Variants in MTFR1 observed in about 807,000 individuals in gnomAD.
The protein encoded by MTFR1 is mitochondrial fission regulator 1.
In MTFR1, 28 loss-of-function variants were observed where a neutral mutation model predicts 38.8. That is an observed-to-expected ratio of 0.72 (90% CI 0.53 to 0.99). The LOEUF (loss-of-function observed/expected upper bound fraction) is 0.99. MTFR1 is among the 50% of genes least tolerant of loss of function. MTFR1 has a pLI of 0.00. For synonymous variants in MTFR1, 145 were observed against 137.0 expected (o/e 1.06, Z -0.41); for missense variants, 358 against 395.5 (o/e 0.91, Z 0.81).
chr8:65,664,345 A>G (rs990625275), intron 1 of MTFR1, among the ~76,000 whole-genome samples: 6 of 152,220 alleles, frequency 3.9e-5, no homozygotes. Context: ...AAAGAACTGT[A>G]ATTTGTAAAC....
At chr8:65,703,032 G>A (rs534327782) in intron 4 of MTFR1, among the ~76,000 whole-genome samples, 4 of 151,582 alleles carry the variant, frequency 2.6e-5, no homozygotes, top group African/African-American at 9.7e-5. Flanking sequence ...AGCAGAAATT[G>A]GTATCCAGAA....
Position 65,709,218 on chromosome 8 carries a change from G to T in MTFR1, c.*174G>T, listed in dbSNP as rs1805873771. 3 of 607,302 alleles carry T rather than the reference G, an allele frequency of 4.9e-6. No individual in the cohort carries two copies. Among genetic ancestry groups the T allele is most frequent in the South Asian group, 2.1e-5 (1 of 48,598 alleles). 37.6% of individuals were successfully genotyped at this position (607,302 alleles called of 1,614,324 possible). A position where few individuals can be genotyped will look rare whatever the true frequency, so the allele number is the denominator to read the frequency against. On this transcript the variant is annotated 3_prime_UTR_variant, in exon 8 of 8. Transcript: ENST00000262146. ...AAGCACTAAGTTTGGTTTTGCTTTT[G>T]TGAGATGGTCAGCTTTGGTGCTCTC...
intron 3 of MTFR1, among the ~76,000 whole-genome samples, chr8:65,740,474 C>G (rs543814912): frequency 6.6e-6 from 1 of 152,196 alleles, no homozygotes; most frequent in South Asian, 2.1e-4. Flanking sequence ...GATCTTGGCT[C>G]ACTGCAACCT....
At chr8:65,685,743 T>A (rs1462260535) in intron 3 of MTFR1, among the ~76,000 whole-genome samples, 2 of 152,216 alleles carry the variant, frequency 1.3e-5, no homozygotes, top group Non-Finnish European at 2.9e-5. Context: ...GAGAGATATT[T>A]AAAAAGTCAA....
rs773434384 is a variant in MTFR1 at position 65,694,072 on chromosome 8, CTT to C, written c.281+333_281+334del. Among the ~76,000 whole-genome samples, 262 of 109,630 alleles carry C rather than the reference CTT, an allele frequency of 2.4e-3. 1 individual carries two copies. The highest frequency in any genetic ancestry group is 2.3e-3 in the Non-Finnish European group (124 of 53,344). The allele number at this position is 109,630 out of a possible 152,430, so 71.9% of individuals were successfully genotyped here. ...CATGCACCACCAACCCTGGCTAATT[CTT>C]TTTTTTTTTTTTTTTTTTTAGATAG... On this transcript the variant is annotated intron_variant, in intron 4 of 7. Coordinates refer to ENST00000262146, the MANE Select transcript of MTFR1 (RefSeq NM_014637.4).
intron 3 of MTFR1, among the ~76,000 whole-genome samples, chr8:65,760,697 C>T (rs1249014909): frequency 2.0e-5 from 3 of 152,218 alleles, no homozygotes; most frequent in African/African-American, 7.2e-5. Context: ...CACACCCCCA[C>T]TCCCCTCATC....
chr8:65,711,567 T>G (rs953917574), downstream of MTFR1, among the ~76,000 whole-genome samples: 13 of 152,208 alleles, frequency 8.5e-5, no homozygotes, highest in African/African-American at 3.1e-4. Flanking sequence ...CTCTTTCCCT[T>G]TCTCATCCTA....
chr8:65,714,300 T>C (rs1452498892), downstream of MTFR1: 1 of 151,576 alleles, frequency 6.6e-6, no homozygotes, highest in Non-Finnish European at 1.5e-5. Flanking sequence ...TAGTAATAAA[T>C]CGATAGCTAA....
chr8:65,659,368 C>T (rs1809349542), intron 1 of MTFR1, among the ~76,000 whole-genome samples: 1 of 151,394 alleles, frequency 6.6e-6, no homozygotes, highest in Non-Finnish European at 1.5e-5. Flanking sequence ...AGAAGGGTGC[C>T]ACTTGCATCA....
intron 3 of MTFR1, chr8:65,727,163 C>T: frequency 4.1e-6 from 6 of 1,474,284 alleles, no homozygotes; most frequent in African/African-American, 1.4e-5. Flanking sequence ...GATAAAATTG[C>T]ACTAACCTTG....
intron 3 of MTFR1, among the ~76,000 whole-genome samples, chr8:65,688,188 G>A (rs1351131130): frequency 6.7e-6 from 1 of 149,280 alleles, no homozygotes; most frequent in Admixed American, 6.7e-5. Flanking sequence ...ATTACTTGAA[G>A]TCAGGAGTTT....
At chr8:65,751,482 T>C (rs1173763816) in intron 3 of MTFR1, among the ~76,000 whole-genome samples, 3 of 152,138 alleles carry the variant, frequency 2.0e-5, no homozygotes, top group Non-Finnish European at 4.4e-5. Context: ...GAGGTTTTTT[T>C]TTTTCTTTTC....
In MTFR1 at chr8:65,704,702, T is replaced by G. The variant is rs756710814; in HGVS notation, c.290T>G (p.Val97Gly). 17 of 1,613,728 alleles carry G rather than the reference T, an allele frequency of 1.1e-5. No individual in the cohort carries two copies. Among genetic ancestry groups the G allele is most frequent in the Non-Finnish European group, 1.0e-5 (12 of 1,179,886 alleles). Reference sequence around the variant, plus strand: ...TTATGTCTTCCTTGCAGGACAGAGGTCAGATCAAGGCCACCCCTTCAGGAT... The same window carrying G: ...TTATGTCTTCCTTGCAGGACAGAGGGCAGATCAAGGCCACCCCTTCAGGAT... ...GECSARLRTE[V>G]RSRPPLQDDL... The change falls in exon 5 of 8, where the codon GTC becomes GGC. Residue 97 changes from valine (V) to glycine (G), a missense_variant. Coordinates refer to ENST00000262146, the MANE Select transcript of MTFR1 (RefSeq NM_014637.4).
At chr8:65,660,605 G>T (rs987161807) in intron 1 of MTFR1, among the ~76,000 whole-genome samples, 1 of 152,088 alleles carries the variant, frequency 6.6e-6, no homozygotes, top group Non-Finnish European at 1.5e-5. Context: ...TAGCTCTGTC[G>T]GCCTCCAGCT....
At position 65,727,351 on chromosome 8, in the gene MTFR1, T is replaced by A. The variant is rs1310866171; in HGVS notation, c.*48+7870T>A. 3 of 1,604,702 alleles carry A rather than the reference T, an allele frequency of 1.9e-6. No individual in the cohort carries two copies. In the Admixed American group the frequency reaches 5.1e-5, roughly 27 times the overall value. On this transcript the variant is annotated intron_variant, in intron 3 of 3. Coordinates refer to the MTFR1 transcript ENST00000521247. ...AATCACAGATATATCTAAAATAAGC[T>A]CTACGCCATCACAGTAGTTTTGAAT...
At chr8:65,769,297 T>TA (rs1808960798) in intron 3 of MTFR1, among the ~76,000 whole-genome samples, 1 of 149,142 alleles carries the variant, frequency 6.7e-6, no homozygotes, top group African/African-American at 2.5e-5. Context: ...ATATTTTTTT[T>TA]AAAAAATTGT....
intron 1 of MTFR1, among the ~76,000 whole-genome samples, chr8:65,661,313 TC>T (rs1809407680): frequency 6.6e-6 from 1 of 152,204 alleles, no homozygotes; most frequent in African/African-American, 2.4e-5. Flanking sequence ...AATTAAGAAA[TC>T]TGTACTTTCT....
chr8:65,708,202 A>C (rs1362244673), intron 7 of MTFR1, 191 bp downstream of exon 7: 27 of 1,112,346 alleles, frequency 2.4e-5, no homozygotes, highest in Non-Finnish European at 3.4e-5. Flanking sequence ...TAGCATTTAC[A>C]CTTTTACTTT....
chr8:65,747,629 T>G, intron 3 of MTFR1: 2 of 1,520,206 alleles, frequency 1.3e-6, no homozygotes, highest in Non-Finnish European at 1.8e-6. Context: ...AAATTAATGT[T>G]TTCTTAAAAA....
Sources: allele counts gnomAD v4.1 joint callset (sites outside exome capture counted in the v4.1 genomes callset), GRCh38; gene constraint gnomAD v4.1.1; transcripts MANE v1.5; gene names NCBI Gene and HGNC (gene_info 2026-07-23, HGNC 2026-07-21).